Variants in PTPDC1 observed in about 807,000 individuals in gnomAD.
PTPDC1 encodes the protein protein tyrosine phosphatase domain-containing protein 1.
Under a neutral mutation model 75.3 loss-of-function variants are expected in PTPDC1, and 53 were observed. The observed-to-expected ratio is 0.70, with a 90% confidence interval of 0.56 to 0.88. PTPDC1 has a LOEUF of 0.88. Among genes scored for constraint, PTPDC1 ranks in the 40% least tolerant of loss-of-function variants. The pLI is 0.00. For synonymous variants in PTPDC1, 349 were observed against 366.2 expected, an observed-to-expected ratio of 0.95 and a Z score of 0.54; for missense variants, 925 against 998.6, an observed-to-expected ratio of 0.93 and a Z score of 0.99.
At chr9:94,106,338 C>A (rs990517946) in intron 8 of PTPDC1, among the ~76,000 whole-genome samples, 1 of 152,336 alleles carries the variant, frequency 6.6e-6, no homozygotes, top group East Asian at 1.9e-4. Context: ...GCAGAAGGCA[C>A]ACGTTCTGAC....
chr9:94,092,648 T>C (rs1404452199), intron 4 of PTPDC1, among the ~76,000 whole-genome samples: 6 of 150,646 alleles, frequency 4.0e-5, no homozygotes, highest in African/African-American at 1.5e-4. Flanking sequence ...TTGTTGACTT[T>C]CTGTCTCGTT....
At chr9:94,049,727 G>T (rs1025975045) in intron 1 of PTPDC1, among the ~76,000 whole-genome samples, 2 of 152,082 alleles carry the variant, frequency 1.3e-5, no homozygotes, top group Middle Eastern at 3.2e-3. Flanking sequence ...TCTTTGTGGC[G>T]TTCTCTGTAT....
chr9:94,052,853 TTTG>T (rs1225480187), intron 1 of PTPDC1, among the ~76,000 whole-genome samples: 1 of 152,152 alleles, frequency 6.6e-6, no homozygotes, highest in Non-Finnish European at 1.5e-5. Context: ...TTGTTGGCCT[TTTG>T]TTGAGCTTCG....
At chr9:94,047,448 G>T (rs1287452435) in intron 1 of PTPDC1, among the ~76,000 whole-genome samples, 1 of 152,086 alleles carries the variant, frequency 6.6e-6, no homozygotes, top group Non-Finnish European at 1.5e-5. Flanking sequence ...AGCACTAAAT[G>T]CCCACAAGAG....
chr9:94,038,796 TA>T (rs1269203731), intron 1 of PTPDC1, among the ~76,000 whole-genome samples: 4 of 152,212 alleles, frequency 2.6e-5, no homozygotes, highest in African/African-American at 9.6e-5. Context: ...GGGTTGAAGA[TA>T]AATAAGGTAG....
At chr9:94,045,814 A>G (rs1224429893) in intron 1 of PTPDC1, among the ~76,000 whole-genome samples, 2 of 151,312 alleles carry the variant, frequency 1.3e-5, no homozygotes, top group Non-Finnish European at 3.0e-5. Context: ...CTCTGATGGT[A>G]GTTTCTTTTG....
chr9:94,082,056 C>A (rs1451133990), upstream of PTPDC1, among the ~76,000 whole-genome samples: 3 of 152,260 alleles, frequency 2.0e-5, no homozygotes, highest in African/African-American at 7.2e-5. Flanking sequence ...GCAGGAGGAG[C>A]CCTCGAGCCC....
intron 1 of PTPDC1, among the ~76,000 whole-genome samples, chr9:94,049,122 G>A (rs1368853722): frequency 6.6e-6 from 1 of 152,134 alleles, no homozygotes; most frequent in African/African-American, 2.4e-5. Flanking sequence ...TGGGTTTCCT[G>A]AATACAGCAC....
chr9:94,068,459 T>C (rs980879527), intron 2 of PTPDC1, among the ~76,000 whole-genome samples: 10 of 152,152 alleles, frequency 6.6e-5, no homozygotes, highest in Admixed American at 6.5e-5. Flanking sequence ...ATGATAAGAC[T>C]GAGATTATGC....
chr9:94,106,405 G>A (rs775663210), intron 8 of PTPDC1, among the ~76,000 whole-genome samples: 3 of 152,208 alleles, frequency 2.0e-5, no homozygotes, highest in Non-Finnish European at 4.4e-5. Context: ...TTTGCTTGCA[G>A]CCCCCTTGTG....
intron 4 of PTPDC1, among the ~76,000 whole-genome samples, chr9:94,094,713 G>A (rs77840847): frequency 6.6e-6 from 1 of 152,240 alleles, no homozygotes; most frequent in African/African-American, 2.4e-5. Context: ...AGACTGCTGT[G>A]CTAACAATCA....
At position 94,091,477 on chromosome 9, in the gene PTPDC1, C is replaced by T. The variant is rs553390276; in HGVS notation, c.616+3214C>T. ...AAGCTTTTTGATGTGCTGCTGGATT[C>T]GTTTTGCCAGTATTTTACTGAGGAT... On this transcript the variant is annotated intron_variant, in intron 4 of 8. Transcript: ENST00000620992. Among the ~76,000 whole-genome samples the T allele has an allele frequency of 1.9e-3, 287 of 152,062 alleles. 1 individual carries two copies. Among genetic ancestry groups the T allele is most frequent in the African/African-American group, 6.7e-3 (276 of 41,494 alleles).
chr9:94,047,509 T>A (rs1825645356), intron 1 of PTPDC1, among the ~76,000 whole-genome samples: 2 of 152,008 alleles, frequency 1.3e-5, no homozygotes, highest in South Asian at 4.2e-4. Context: ...TTAAAAGAAC[T>A]GGAAAAGCAA....
At position 94,098,041 on chromosome 9, in the gene PTPDC1, C is replaced by G; in HGVS notation, c.1475C>G (p.Ser492Cys). The change falls in exon 6 of 9, where the codon TCT becomes TGT. Residue 492 changes from serine (S) to cysteine (C), a missense_variant. Transcript: ENST00000620992. The part of the protein sequence containing the change: ...KLISHCYIPQ[S>C]PEPDLHKEAL... ...ATAAGCCATTGTTACATCCCACAGT[C>G]TCCAGAACCAGACTTACACAAGGAA... 6.2e-7 allele frequency: 1 copy of G among 1,614,210 alleles called. No individual in the cohort carries two copies. The highest frequency in any genetic ancestry group is 8.5e-7 in the Non-Finnish European group (1 of 1,180,038).
intron 3 of PTPDC1, 107 bp downstream of exon 3, chr9:94,088,018 AAG>A (rs1827139440): frequency 7.0e-7 from 1 of 1,438,662 alleles, no homozygotes; most frequent in African/African-American, 1.4e-5. Flanking sequence ...ATAGGCAGTG[AAG>A]AGTGTATTTC....
At chr9:94,079,820 T>C (rs1826817052), upstream of PTPDC1, among the ~76,000 whole-genome samples, 1 of 152,196 alleles carries the variant, frequency 6.6e-6, no homozygotes, top group African/African-American at 2.4e-5. Flanking sequence ...CCCCCTACTT[T>C]GCAAGGTGAG....
intron 1 of PTPDC1, among the ~76,000 whole-genome samples, chr9:94,064,103 C>T (rs1225953225): frequency 6.6e-6 from 1 of 152,072 alleles, no homozygotes; most frequent in African/African-American, 2.4e-5. Context: ...TTGAGGTACA[C>T]TTAGGAACTA....
intron 6 of PTPDC1, chr9:94,098,812 T>C (rs1388433487): frequency 1.8e-6 from 1 of 551,806 alleles, no homozygotes; most frequent in African/African-American, 1.9e-5. Flanking sequence ...CTTGGTGTGA[T>C]GCTTGACCCA....
chr9:94,076,232 G>A (rs563750812), intron 2 of PTPDC1, among the ~76,000 whole-genome samples: 118 of 152,162 alleles, frequency 7.8e-4, no homozygotes, highest in Admixed American at 1.2e-3. Context: ...TCTAACTCCC[G>A]GCCTCAGGTA....
Sources: allele counts gnomAD v4.1 joint callset (sites outside exome capture counted in the v4.1 genomes callset), GRCh38; gene constraint gnomAD v4.1.1; transcripts MANE v1.5; gene names NCBI Gene and HGNC (gene_info 2026-07-23, HGNC 2026-07-21).